The following POF1B variants were observed in gnomAD, a reference collection of about 807,000 sequenced individuals.
POF1B encodes the protein POF1B actin binding protein.
In POF1B, 53 loss-of-function variants were observed where a neutral mutation model predicts 55.3. That is an observed-to-expected ratio of 0.96 (90% CI 0.77 to 1.20). POF1B has a LOEUF of 1.20. Among genes scored for constraint, POF1B ranks in the 50% most tolerant of loss-of-function variants. The pLI, the probability that POF1B is intolerant of heterozygous loss-of-function variation, is 0.00. For missense variants in POF1B, 478 were observed against 420.5 expected (o/e 1.14, Z -1.20); for synonymous variants, 188 against 148.3 (o/e 1.27, Z -1.95).
At chrX:85,361,794 C>T (rs1204634227) in intron 3 of POF1B, among the ~76,000 whole-genome samples, 1 of 111,312 alleles carries the variant, frequency 9.0e-6, no homozygotes, top group African/African-American at 3.3e-5. Flanking sequence ...CTATAAATTG[C>T]TTTGGGCAGT....
At chrX:85,323,188 A>C in intron 7 of POF1B, among the ~76,000 whole-genome samples, 1 of 111,791 alleles carries the variant, frequency 8.9e-6, no homozygotes, top group Non-Finnish European at 1.9e-5. Context: ...AAGGCTTGGA[A>C]CCAAGCCAAA....
intron 11 of POF1B, 74 bp from the exon 12 acceptor site, chrX:85,306,407 A>G: frequency 1.0e-6 from 1 of 991,566 alleles, no homozygotes; most frequent in South Asian, 2.2e-5. Context: ...TTATTGATTC[A>G]TTCAATTGAA....
At chrX:85,302,606 A>G (rs2050551241) in intron 15 of POF1B, among the ~76,000 whole-genome samples, 1 of 111,658 alleles carries the variant, frequency 9.0e-6, no homozygotes, top group South Asian at 3.7e-4. Flanking sequence ...GAATACATGT[A>G]CCTTACACAC....
intron 7 of POF1B, among the ~76,000 whole-genome samples, chrX:85,325,529 T>C (rs1932887892): frequency 8.9e-6 from 1 of 112,187 alleles, no homozygotes; most frequent in Non-Finnish European, 1.9e-5. Flanking sequence ...ATTAAATCAG[T>C]TTGGTTCTTT....
chrX:85,379,149 C>A, intron 2 of POF1B, 24 bp downstream of exon 2: 1 of 1,199,696 alleles, frequency 8.3e-7, no homozygotes, highest in Non-Finnish European at 1.1e-6. Flanking sequence ...CTCCACTAGT[C>A]TGGCATAGCT....
At chrX:85,326,864 G>T (rs1196826312) in intron 7 of POF1B, among the ~76,000 whole-genome samples, 1 of 109,939 alleles carries the variant, frequency 9.1e-6, no homozygotes, top group Non-Finnish European at 1.9e-5. Context: ...CTCCCAGGAG[G>T]CACCCCACCT....
intron 7 of POF1B, among the ~76,000 whole-genome samples, chrX:85,324,926 A>T (rs777776232): frequency 9.0e-6 from 1 of 111,683 alleles, no homozygotes; most frequent in Non-Finnish European, 1.9e-5. Flanking sequence ...TCTGAAAAGG[A>T]TCTTATTTCT....
At chrX:85,326,465 G>A (rs937582585) in intron 7 of POF1B, among the ~76,000 whole-genome samples, 3 of 110,411 alleles carry the variant, frequency 2.7e-5, no homozygotes, top group East Asian at 2.9e-4. Flanking sequence ...TTTCACACAG[G>A]CAGCAGTGTC....
chrX:85,315,616 G>A (rs952817087), intron 8 of POF1B, 91 bp downstream of exon 8: 2 of 782,826 alleles, frequency 2.6e-6, no homozygotes, highest in African/African-American at 4.4e-5. Context: ...AGTCTAGTAA[G>A]GTACTTAACT....
intron 6 of POF1B, among the ~76,000 whole-genome samples, chrX:85,341,417 T>C (rs766143427): frequency 9.0e-6 from 1 of 110,937 alleles, no homozygotes; most frequent in South Asian, 3.8e-4. Context: ...AAAAAACTAA[T>C]TTATAAAAAA....
intron 2 of POF1B, among the ~76,000 whole-genome samples, chrX:85,372,087 G>T (rs1933832385): frequency 9.0e-6 from 1 of 111,632 alleles, no homozygotes; most frequent in Non-Finnish European, 1.9e-5. Flanking sequence ...GCTCACGCCT[G>T]TAATCCCAGC....
intron 4 of POF1B, among the ~76,000 whole-genome samples, chrX:85,356,375 G>T (rs943301393): frequency 6.4e-5 from 7 of 109,434 alleles, no homozygotes; most frequent in African/African-American, 2.3e-4. Context: ...GTTAATGTGT[G>T]CAGCACACCA....
chrX:85,295,967 G>A (rs1201791930), intron 15 of POF1B, among the ~76,000 whole-genome samples: 5 of 112,658 alleles, frequency 4.4e-5, no homozygotes. Flanking sequence ...TTGTTGAATT[G>A]AACCCATCAT....
At chrX:85,316,393 G>A (rs190030273) in intron 7 of POF1B, among the ~76,000 whole-genome samples, 29 of 111,232 alleles carry the variant, frequency 2.6e-4, no homozygotes, top group Non-Finnish European at 4.2e-4. Flanking sequence ...TTGTGGAGCC[G>A]TGATAGGTAG....
intron 7 of POF1B, among the ~76,000 whole-genome samples, chrX:85,327,770 C>T (rs1033452457): frequency 1.2e-4 from 13 of 112,270 alleles, no homozygotes; most frequent in Non-Finnish European, 1.9e-4. Flanking sequence ...TTAAAAGATA[C>T]TAATCCTTAC....
rs141893311 is a variant in POF1B, at chrX:85,339,621, A to G, written c.723+6239T>C. 6.9e-3 allele frequency among the ~76,000 whole-genome samples: 768 copies of G among 111,553 alleles called. 7 individuals carry two copies. The highest frequency in any genetic ancestry group is 0.01 in the Non-Finnish European group (541 of 52,893). ...GCAGTTTCAGGAACATAGTGAAGCT[A>G]GAATCTGGTTTGCAGTGTTGAGGAA... On this transcript the variant is annotated intron_variant, in intron 6 of 16. Coordinates refer to ENST00000262753, the MANE Select transcript of POF1B (RefSeq NM_024921.4).
chrX:85,323,039 A>G (rs1190341880), intron 7 of POF1B, among the ~76,000 whole-genome samples: 2 of 110,399 alleles, frequency 1.8e-5, no homozygotes, highest in Non-Finnish European at 3.8e-5. Context: ...CAGTGTGGCG[A>G]TTCCTCCGGG....
intron 6 of POF1B, among the ~76,000 whole-genome samples, chrX:85,333,142 A>G (rs1391402926): frequency 9.1e-6 from 1 of 110,468 alleles, no homozygotes; most frequent in East Asian, 2.9e-4. Flanking sequence ...TGGGGCACAC[A>G]CCATACATTC....
intron 7 of POF1B, among the ~76,000 whole-genome samples, chrX:85,323,497 A>T (rs1220135800): frequency 6.4e-5 from 7 of 108,787 alleles, no homozygotes; most frequent in African/African-American, 2.3e-4. Context: ...CTAATGCTAA[A>T]TGACGAGTTA....
Sources: allele counts gnomAD v4.1 joint callset (sites outside exome capture counted in the v4.1 genomes callset), GRCh38; gene constraint gnomAD v4.1.1; transcripts MANE v1.5; gene names NCBI Gene and HGNC (gene_info 2026-07-23, HGNC 2026-07-21).